BLOC1S6: variants seen among roughly 807,000 people sequenced by gnomAD.
The protein encoded by BLOC1S6 is biogenesis of lysosome-related organelles complex 1 subunit 6.
Under a neutral mutation model 24.7 loss-of-function variants are expected in BLOC1S6, and 24 were observed. The observed-to-expected ratio is 0.97, with a 90% CI of 0.70 to 1.37. BLOC1S6 has a LOEUF of 1.37. BLOC1S6 is among the 40% of genes most tolerant of loss of function. The pLI, the probability that BLOC1S6 is intolerant of heterozygous loss-of-function variation, is 0.00. For missense variants in BLOC1S6, 175 were observed against 196.2 expected (o/e 0.89, Z 0.64); for synonymous variants, 76 against 72.6 (o/e 1.05, Z -0.23).
chr15:45,587,286 C>G, upstream of BLOC1S6: 1 of 728,550 alleles, frequency 1.4e-6, no homozygotes, highest in Admixed American at 2.1e-5. Flanking sequence ...GCAGAGCCAA[C>G]TCTCGAGCGC....
In BLOC1S6 at chr15:45,603,109, A is replaced by G. The variant is rs773797288; in HGVS notation, c.234A>G (p.Gln78=). The G allele has an allele frequency of 3.7e-6, 6 of 1,610,260 alleles. No individual in the cohort carries two copies. Among genetic ancestry groups the G allele is most frequent in the Admixed American group, 1.7e-5 (1 of 59,954 alleles). Residue 78 remains glutamine, a synonymous_variant, in exon 3 of 5, where the codon CAA becomes CAG. Transcript: ENST00000220531. ...KQALQELTQN[Q]VVLLDTLEQE... is the part of the protein sequence containing the mutation. ...TGTGTTTTTGTTTCAGACAGAACCA[A>G]GTTGTATTGTTAGACACACTGGAAC...
rs981837571 is a variant in BLOC1S6 at position 45,592,168 on chromosome 15, T to C, written c.116T>C (p.Ile39Thr). ...GACACTTCTCCAGATGAAGGGTTAA[T>C]AGAGGACTTGACTATAGAAGACAAA... ...LSDTSPDEGL[I>T]EDLTIEDKAV... The change falls in exon 2 of 5, where the codon ATA becomes ACA. Residue 39 changes from isoleucine to threonine, a missense_variant. Physicochemically the swap from Ile to Thr is moderately conservative, Grantham distance 89. Coordinates refer to ENST00000220531, the MANE Select transcript of BLOC1S6 (RefSeq NM_012388.4). The C allele has an allele frequency of 6.2e-7, 1 of 1,614,198 alleles. No homozygotes were observed. The highest frequency in any genetic ancestry group is 8.5e-7 in the Non-Finnish European group (1 of 1,180,032).
intron 2 of BLOC1S6, chr15:45,602,422 A>G: frequency 1.6e-6 from 1 of 627,418 alleles, no homozygotes; most frequent in Non-Finnish European, 2.9e-6. Context: ...CCTAACATTG[A>G]TTGATGTGTA....
chr15:45,598,001 G>A (rs1894139241), intron 2 of BLOC1S6: 1 of 222,968 alleles, frequency 4.5e-6, no homozygotes, highest in Non-Finnish European at 9.5e-6. Flanking sequence ...GATCAAGTAG[G>A]CTTCATCCCT....
intron 2 of BLOC1S6, among the ~76,000 whole-genome samples, chr15:45,596,602 A>G (rs568751458): frequency 6.6e-6 from 1 of 152,032 alleles, no homozygotes; most frequent in South Asian, 2.1e-4. Context: ...AGGGTTTTCT[A>G]TTCTGTTCCA....
At chr15:45,593,497 AT>A (rs916715027) in intron 2 of BLOC1S6, among the ~76,000 whole-genome samples, 2 of 151,642 alleles carry the variant, frequency 1.3e-5, no homozygotes, top group Non-Finnish European at 2.9e-5. Flanking sequence ...CCCAAACAAG[AT>A]TTTTTTTATC....
At chr15:45,602,251 ATGT>A (rs1027585977) in intron 2 of BLOC1S6, 3 of 564,556 alleles carry the variant, frequency 5.3e-6, no homozygotes, top group Non-Finnish European at 6.3e-6. Context: ...GATAGTAGAG[ATGT>A]TGTAATTGCC....
chr15:45,596,809 G>A (rs759287520), intron 2 of BLOC1S6, among the ~76,000 whole-genome samples: 1 of 151,764 alleles, frequency 6.6e-6, no homozygotes, highest in Admixed American at 6.6e-5. Flanking sequence ...CCCAAGTAGC[G>A]GGATTATAGG....
chr15:45,606,218 G>A (rs775946416), intron 4 of BLOC1S6, among the ~76,000 whole-genome samples, 177 bp from the exon 5 acceptor site: 6 of 152,058 alleles, frequency 3.9e-5, no homozygotes, highest in Non-Finnish European at 8.8e-5. Context: ...TAAGAGTTTA[G>A]AGCAACAAAT....
At chr15:45,589,807 T>G (rs1379117925) in intron 1 of BLOC1S6, among the ~76,000 whole-genome samples, 2 of 152,094 alleles carry the variant, frequency 1.3e-5, no homozygotes, top group East Asian at 3.9e-4. Context: ...GAGTGACTTC[T>G]TAACCATTGG....
intron 2 of BLOC1S6, chr15:45,602,449 G>T: frequency 1.7e-6 from 1 of 591,646 alleles, no homozygotes; most frequent in Non-Finnish European, 3.0e-6. Flanking sequence ...TATCAAGGAA[G>T]TTGGCTTCTC....
chr15:45,595,718 AC>A (rs1894049287), intron 2 of BLOC1S6, among the ~76,000 whole-genome samples: 1 of 152,100 alleles, frequency 6.6e-6, no homozygotes, highest in South Asian at 2.1e-4. Flanking sequence ...TCATCACCAA[AC>A]CAAGGTCACC....
At chr15:45,589,076 G>A (rs1011729136) in intron 1 of BLOC1S6, among the ~76,000 whole-genome samples, 1 of 152,204 alleles carries the variant, frequency 6.6e-6, no homozygotes, top group Non-Finnish European at 1.5e-5. Context: ...GAAGCTCACT[G>A]CAGCATTGTC....
intron 4 of BLOC1S6, chr15:45,605,911 A>G: frequency 3.9e-6 from 1 of 259,184 alleles, no homozygotes. Flanking sequence ...TTTGACTTTT[A>G]TACCCTCATA....
At chr15:45,604,840 G>A (rs1894394254) in intron 3 of BLOC1S6, among the ~76,000 whole-genome samples, 1 of 152,136 alleles carries the variant, frequency 6.6e-6, no homozygotes, top group African/African-American at 2.4e-5. Flanking sequence ...CTTCATTTTA[G>A]ATTATGCAGG....
chr15:45,603,497 C>T (rs1019346730), intron 3 of BLOC1S6, among the ~76,000 whole-genome samples: 1 of 151,942 alleles, frequency 6.6e-6, no homozygotes, highest in South Asian at 2.1e-4. Context: ...ATTGCTTGAG[C>T]CTAGCAGTTC....
At position 45,592,124 on chromosome 15, in the gene BLOC1S6, G is replaced by C. The variant is rs764813852; in HGVS notation, c.83-11G>C. ...TAAAAGGTTCCTAAATTTGATTTTT[G>C]CTGGGGACAGGTTTAAGTGACACTT... On this transcript the variant is annotated splice_polypyrimidine_tract_variant and intron_variant, in intron 1 of 4. Transcript: ENST00000220531. The C allele has an allele frequency of 6.2e-7, 1 of 1,613,798 alleles. No homozygotes were observed. Among genetic ancestry groups the C allele is most frequent in the Admixed American group, 1.7e-5 (1 of 59,994 alleles).
In BLOC1S6 at chr15:45,606,414, A is replaced by G; in HGVS notation, c.419A>G (p.Gln140Arg). 1 of 1,614,054 alleles carries G rather than the reference A, an allele frequency of 6.2e-7. No homozygotes were observed. The highest frequency in any genetic ancestry group is 8.5e-7 in the Non-Finnish European group (1 of 1,180,022). Residue 140 changes from glutamine (Q) to arginine (R), a missense_variant, in exon 5 of 5, where the codon CAG becomes CGG. By Grantham distance (43) the Gln-to-Arg change is conservative. Transcript: ENST00000220531. ...ACACAGAAAAGAGCACTTAAACTGC[A>G]GCAGAAGAGGCAAAAAGAAGAGTTG... The part of the protein sequence containing the change: ...SKLKKRALKL[Q>R]QKRQKEELER...
chr15:45,588,860 T>C (rs1414208929), intron 1 of BLOC1S6, among the ~76,000 whole-genome samples: 2 of 152,198 alleles, frequency 1.3e-5, no homozygotes, highest in Non-Finnish European at 2.9e-5. Context: ...TTTACCCATA[T>C]TGCATCCATT....
Sources: gnomAD v4.1 joint callset for allele counts (sites outside exome capture counted in the v4.1 genomes callset) on GRCh38, gnomAD v4.1.1 for gene constraint, MANE v1.5 for transcripts, NCBI Gene and HGNC (gene_info 2026-07-23, HGNC 2026-07-21) for gene names.